Variants in AUTS2 observed in about 807,000 individuals in gnomAD.
The protein encoded by AUTS2 is activator of transcription and developmental regulator AUTS2.
A neutral mutation model predicts 112.4 loss-of-function variants in AUTS2; 17 were observed. That is an observed-to-expected ratio of 0.15 (90% CI 0.10 to 0.23). AUTS2 has a LOEUF of 0.23. Among genes scored for constraint, AUTS2 ranks in the 10% least tolerant of loss-of-function variants. The pLI, the probability that AUTS2 is intolerant of heterozygous loss-of-function variation, is 1.00. For missense variants in AUTS2, 1,510 were observed against 1,701.6 expected (o/e 0.89, Z 1.98); for synonymous variants, 751 against 702.7 (o/e 1.07, Z -1.09).
intron 4 of AUTS2, among the ~76,000 whole-genome samples, chr7:70,225,715 TAAGG>T (rs930447011): frequency 2.0e-5 from 3 of 152,224 alleles, no homozygotes; most frequent in African/African-American, 4.8e-5. Flanking sequence ...ATTATTAACT[TAAGG>T]AAGATTATGG....
At chr7:69,961,281 T>C (rs1185462540) in intron 2 of AUTS2, among the ~76,000 whole-genome samples, 1 of 152,174 alleles carries the variant, frequency 6.6e-6, no homozygotes, top group African/African-American at 2.4e-5. Context: ...GTATGGCTTA[T>C]GTAAAATGTA....
chr7:69,975,862 A>G (rs948488084), intron 2 of AUTS2, among the ~76,000 whole-genome samples: 1 of 151,314 alleles, frequency 6.6e-6, no homozygotes, highest in African/African-American at 2.4e-5. Flanking sequence ...TAATTTTTGT[A>G]TTTTTAGTAG....
At chr7:70,507,798 AAAAAAT>A (rs1317810079) in intron 5 of AUTS2, among the ~76,000 whole-genome samples, 1 of 152,182 alleles carries the variant, frequency 6.6e-6, no homozygotes, top group African/African-American at 2.4e-5. Flanking sequence ...CTCTGTCTCA[AAAAAAT>A]AAAAATAAAG....
At position 70,551,939 on chromosome 7, in the gene AUTS2, C is replaced by A. The variant is rs181353467; in HGVS notation, c.690+116158C>A. 1.5e-3 allele frequency among the ~76,000 whole-genome samples: 231 copies of A among 152,330 alleles called. 1 individual carries two copies. Among genetic ancestry groups the A allele is most frequent in the Middle Eastern group, 3.4e-3 (1 of 294 alleles). On this transcript the variant is annotated intron_variant, in intron 5 of 18. Transcript: ENST00000342771. ...AACTTGAAGGGTTAGCATCAATTAT[C>A]TGGAAAATTTATTTGTGAGAAAACC...
intron 1 of AUTS2, among the ~76,000 whole-genome samples, chr7:69,630,602 T>C (rs1267893277): frequency 6.6e-6 from 1 of 152,244 alleles, no homozygotes; most frequent in African/African-American, 2.4e-5. Flanking sequence ...TCAGGCCCAC[T>C]TGGAGCAGTT....
chr7:69,999,784 A>T (rs1799104290), intron 2 of AUTS2, among the ~76,000 whole-genome samples: 1 of 152,172 alleles, frequency 6.6e-6, no homozygotes, highest in Admixed American at 6.5e-5. Flanking sequence ...AAAGAAAAGA[A>T]CTTGGTGAAA....
At chr7:69,756,138 A>G (rs1411182973) in intron 1 of AUTS2, among the ~76,000 whole-genome samples, 1 of 152,226 alleles carries the variant, frequency 6.6e-6, no homozygotes, top group Non-Finnish European at 1.5e-5. Flanking sequence ...GTAATAGTCT[A>G]GTGAAGTGAT....
intron 5 of AUTS2, among the ~76,000 whole-genome samples, chr7:70,527,819 C>T (rs1211076758): frequency 6.6e-6 from 1 of 152,126 alleles, no homozygotes; most frequent in East Asian, 1.9e-4. Flanking sequence ...ACTGTATTCT[C>T]CAAGGTTTTT....
At chr7:69,971,786 A>G (rs976069385) in intron 2 of AUTS2, among the ~76,000 whole-genome samples, 1 of 152,170 alleles carries the variant, frequency 6.6e-6, no homozygotes, top group Admixed American at 6.5e-5. Flanking sequence ...GTATGCTATT[A>G]GTTTCTGAGT....
At chr7:69,613,554 C>A (rs1488677319) in intron 1 of AUTS2, among the ~76,000 whole-genome samples, 1 of 152,178 alleles carries the variant, frequency 6.6e-6, no homozygotes, top group Non-Finnish European at 1.5e-5. Context: ...AGTGTCTGTT[C>A]TAAACCCTTG....
intron 5 of AUTS2, among the ~76,000 whole-genome samples, chr7:70,450,771 T>C (rs1433777911): frequency 1.3e-5 from 2 of 151,990 alleles, no homozygotes; most frequent in South Asian, 2.1e-4. Context: ...TGAGAGGTGA[T>C]AGAGATCTCA....
chr7:70,698,712 T>C lies in AUTS2; in HGVS notation c.742+92T>C, dbSNP rs1809276156. On this transcript the variant is annotated intron_variant, in intron 6 of 18. Coordinates refer to ENST00000342771, the MANE Select transcript of AUTS2 (RefSeq NM_015570.4). Reference sequence around the variant, plus strand: ...AAGAAAGAAGAGCTAGAGTGATCTTTCTCTTATAATTCTGAAGCTACTGTT... The same window carrying C: ...AAGAAAGAAGAGCTAGAGTGATCTTCCTCTTATAATTCTGAAGCTACTGTT... The C allele has an allele frequency of 3.0e-6, 3 of 1,016,580 alleles. No homozygotes were observed. In the Admixed American group the frequency reaches 7.4e-5, roughly 25 times the overall value. 63.0% of individuals were successfully genotyped at this position (1,016,580 alleles called of 1,614,324 possible). A position where few individuals can be genotyped will look rare whatever the true frequency, so the allele number is the denominator to read the frequency against.
chr7:70,765,333 G>A (rs188984039), intron 8 of AUTS2, among the ~76,000 whole-genome samples: 76 of 152,272 alleles, frequency 5.0e-4, no homozygotes, highest in African/African-American at 1.8e-3. Context: ...CCCTGAGGGC[G>A]ATGGAAGCGT....
intron 4 of AUTS2, among the ~76,000 whole-genome samples, chr7:70,193,378 T>C (rs1334917730): frequency 6.6e-6 from 1 of 152,212 alleles, no homozygotes; most frequent in East Asian, 1.9e-4. Flanking sequence ...AAAACAGGAA[T>C]ACTGCTAGAA....
intron 5 of AUTS2, among the ~76,000 whole-genome samples, chr7:70,544,041 C>T (rs949771853): frequency 6.6e-6 from 1 of 152,200 alleles, no homozygotes; most frequent in African/African-American, 2.4e-5. Flanking sequence ...AGTAAGCAGG[C>T]ATCTTCTGTC....
chr7:70,460,289 G>A (rs945961612), intron 5 of AUTS2, among the ~76,000 whole-genome samples: 3 of 151,188 alleles, frequency 2.0e-5, no homozygotes, highest in Non-Finnish European at 2.9e-5. Context: ...GTCCTGAGAG[G>A]TCCCCAGCCC....
chr7:70,607,920 G>A (rs1342685833), intron 5 of AUTS2, among the ~76,000 whole-genome samples: 2 of 152,124 alleles, frequency 1.3e-5, no homozygotes, highest in African/African-American at 2.4e-5. Context: ...GAATGTTGGT[G>A]GTCAATGTGT....
In AUTS2 at chr7:70,531,528, G is replaced by A. The variant is rs949528728; in HGVS notation, c.690+95747G>A. Among the ~76,000 whole-genome samples the A allele has an allele frequency of 5.9e-5, 9 of 152,154 alleles. No homozygotes were observed. The East Asian group carries it at 1.5e-3, about 26-fold the overall frequency. On this transcript the variant is annotated intron_variant, in intron 5 of 18. Coordinates refer to ENST00000342771, the MANE Select transcript of AUTS2 (RefSeq NM_015570.4). The stretch of plus-strand genomic sequence containing the variant: ...AGGCCTCAGGAAGCTTTTATTCATG[G>A]CAGAAGGTGAAGAGGGAGCAGGCAT...
Position 70,790,500 on chromosome 7 carries a change from T to A in AUTS2, c.3284T>A (p.Leu1095Gln). The A allele has an allele frequency of 1.9e-6, 3 of 1,612,320 alleles. No individual in the cohort carries two copies. The highest frequency in any genetic ancestry group is 2.5e-6 in the Non-Finnish European group (3 of 1,179,504). Residue 1095 changes from leucine (L) to glutamine (Q), a missense_variant, in exon 19 of 19, where the codon CTG (leucine) becomes CAG (glutamine). This residue lies in a region of AUTS2 where 788 missense variants were observed against 797.6 expected (regional missense o/e 0.99). Coordinates refer to ENST00000342771, the MANE Select transcript of AUTS2 (RefSeq NM_015570.4). The surrounding 1 kb of genome is among the most constrained non-coding windows in gnomAD (Gnocchi z 7.6). ...AGAGACCCGCTGGGCAGGGACTTCC[T>A]GCTAAGGAACGACCCGCTCCACCGG... ...HRRDPLGRDF[L>Q]LRNDPLHRLS... is the part of the protein sequence containing the mutation.
Sources: gnomAD v4.1 joint callset for allele counts (sites outside exome capture counted in the v4.1 genomes callset) on GRCh38, gnomAD v4.1.1 for gene constraint, gnomAD v4.1.1 regional missense constraint, Gnocchi (gnomAD v3.1) non-coding constraint, MANE v1.5 for transcripts, NCBI Gene and HGNC (gene_info 2026-07-23, HGNC 2026-07-21) for gene names.